RABGAP1: variants seen among roughly 807,000 people sequenced by gnomAD.
RABGAP1 encodes RAB GTPase activating protein 1, also known as rab GTPase-activating protein 1.
Under a neutral mutation model 137.6 loss-of-function variants are expected in RABGAP1, and 23 were observed. The ratio of observed to expected loss-of-function variants is 0.17; its 90% CI spans 0.12 to 0.24. The LOEUF is 0.24. RABGAP1 is among the 10% of genes least tolerant of loss of function. RABGAP1 has a pLI of 1.00. For missense variants in RABGAP1, 906 were observed against 1,275.8 expected (o/e 0.71, Z 4.42); for synonymous variants, 451 against 450.7 (o/e 1.00, Z -0.01).
Position 123,001,315 on chromosome 9 carries a change from C to T in RABGAP1, c.1374+2549C>T, listed in dbSNP as rs531854586. ...CAAGTACCTGGAACATAGTAGTTCT[C>T]AATAAATATACGTTGAATTGATTTT... is the stretch of plus-strand genomic sequence containing the variant. On this transcript the variant is annotated intron_variant, in intron 10 of 25. Transcript: ENST00000373647. Among the ~76,000 whole-genome samples, 3 of 152,286 alleles carry T rather than the reference C, an allele frequency of 2.0e-5. No individual in the cohort carries two copies. In the South Asian group the frequency reaches 6.2e-4, roughly 32 times the overall value.
At chr9:123,020,573 A>T (rs2031562586) in intron 13 of RABGAP1, 114 bp downstream of exon 13, 22 of 1,081,592 alleles carry the variant, frequency 2.0e-5, no homozygotes, top group Non-Finnish European at 2.5e-5. Flanking sequence ...ATTTAAGAAT[A>T]GAACTGTTAA....
chr9:123,007,553 A>ATTTT (rs34448685), intron 10 of RABGAP1, among the ~76,000 whole-genome samples: 4 of 104,536 alleles, frequency 3.8e-5, no homozygotes, highest in Admixed American at 1.1e-4. Flanking sequence ...AAGTTTTTGT[A>ATTTT]TTTTTTTTTT....
chr9:122,955,497 TA>T (rs1224290650), intron 1 of RABGAP1, among the ~76,000 whole-genome samples: 1 of 152,232 alleles, frequency 6.6e-6, no homozygotes, highest in East Asian at 1.9e-4. Context: ...TAATAGCTGT[TA>T]AGCAGGGGAA....
At chr9:123,085,581 T>G (rs780082511) in intron 19 of RABGAP1, among the ~76,000 whole-genome samples, 1 of 152,232 alleles carries the variant, frequency 6.6e-6, no homozygotes, top group Non-Finnish European at 1.5e-5. Context: ...AGCTGTGATT[T>G]CCAAAGCCTT....
chr9:123,035,860 A>G (rs1049917623), intron 13 of RABGAP1, among the ~76,000 whole-genome samples: 4 of 152,134 alleles, frequency 2.6e-5, no homozygotes, highest in Middle Eastern at 3.2e-3. Flanking sequence ...CTTGCTCTCA[A>G]TTTTTGAAAT....
chr9:123,048,025 C>T (rs538514546), intron 13 of RABGAP1, among the ~76,000 whole-genome samples: 20 of 148,290 alleles, frequency 1.3e-4, no homozygotes, highest in South Asian at 6.4e-4. Flanking sequence ...TGCGAACCTC[C>T]GCCTCCCAGG....
intron 19 of RABGAP1, among the ~76,000 whole-genome samples, chr9:123,089,322 A>G (rs2034967677): frequency 2.0e-5 from 3 of 152,178 alleles, no homozygotes; most frequent in African/African-American, 4.8e-5. Flanking sequence ...TTACATAACC[A>G]ACCTCCTTAT....
chr9:123,013,523 G>A (rs1274376637), intron 11 of RABGAP1, among the ~76,000 whole-genome samples: 1 of 151,990 alleles, frequency 6.6e-6, no homozygotes, highest in Non-Finnish European at 1.5e-5. Context: ...GTAGAGATGG[G>A]GTTTCACCAG....
intron 2 of RABGAP1, among the ~76,000 whole-genome samples, chr9:122,967,470 T>C (rs1047130067): frequency 6.6e-6 from 1 of 152,196 alleles, no homozygotes; most frequent in Non-Finnish European, 1.5e-5. Flanking sequence ...GCAGAATCTT[T>C]GATTAGGGAA....
chr9:122,940,797 T>G (rs907545066), upstream of RABGAP1: 2 of 152,736 alleles, frequency 1.3e-5, no homozygotes, highest in Non-Finnish European at 2.9e-5. Context: ...ACAGCCCAGG[T>G]CCAGCTCACA....
chr9:123,058,316 T>C (rs1292002630), intron 13 of RABGAP1, among the ~76,000 whole-genome samples: 1 of 152,096 alleles, frequency 6.6e-6, no homozygotes, highest in Non-Finnish European at 1.5e-5. Context: ...ATACAATATT[T>C]TGTAGTTAGC....
At chr9:123,022,471 A>G (rs1293511732) in intron 13 of RABGAP1, among the ~76,000 whole-genome samples, 1 of 151,828 alleles carries the variant, frequency 6.6e-6, no homozygotes, top group Non-Finnish European at 1.5e-5. Context: ...CAGTGGTACG[A>G]TCTCGGCTCA....
rs1836266309 is a variant in RABGAP1 at position 122,984,582 on chromosome 9, T to C, written c.248T>C (p.Val83Ala). ...MDDQPGEKEL[V>A]KRSQLDGEGD... ...GACCAGCCAGGGGAAAAGGAGCTTG[T>C]GAAAAGGTCACAACTGGATGGTGAA... The change falls in exon 3 of 26, where the codon GTG becomes GCG. Residue 83 changes from valine to alanine, a missense_variant. Physicochemically the swap from Val to Ala is moderately conservative, Grantham distance 64. Around this residue, in one of 9 missense-constraint regions of RABGAP1, gnomAD observed 331 missense variants for 358.3 expected, o/e 0.92. Coordinates refer to ENST00000373647, the MANE Select transcript of RABGAP1 (RefSeq NM_012197.4). 6.2e-7 allele frequency: 1 copy of C among 1,614,118 alleles called. No homozygotes were observed.
At chr9:123,101,464 A>G (rs1218389248) in intron 24 of RABGAP1, 102 bp from the exon 25 acceptor site, 2 of 1,167,138 alleles carry the variant, frequency 1.7e-6, no homozygotes, top group African/African-American at 3.2e-5. Flanking sequence ...GTAGTGCTCA[A>G]CAGAGAAGCC....
chr9:122,969,625 T>C (rs561152859), intron 2 of RABGAP1, among the ~76,000 whole-genome samples: 1 of 152,122 alleles, frequency 6.6e-6, no homozygotes, highest in African/African-American at 2.4e-5. Flanking sequence ...CAGCCCCTAG[T>C]AGAATGACTA....
At chr9:123,071,892 G>A (rs994377683) in intron 15 of RABGAP1, among the ~76,000 whole-genome samples, 7 of 152,206 alleles carry the variant, frequency 4.6e-5, no homozygotes, top group Non-Finnish European at 1.0e-4. Flanking sequence ...GGAACTGAAA[G>A]GAGGACAGTG....
chr9:122,963,123 T>C (rs187127632), intron 2 of RABGAP1, among the ~76,000 whole-genome samples: 1 of 152,254 alleles, frequency 6.6e-6, no homozygotes, highest in Admixed American at 6.5e-5. Context: ...CAAGAATAAT[T>C]GTTAGCCGGG....
chr9:123,035,869 A>C (rs995462059), intron 13 of RABGAP1, among the ~76,000 whole-genome samples: 1 of 152,328 alleles, frequency 6.6e-6, no homozygotes, highest in Admixed American at 6.5e-5. Flanking sequence ...AATTTTTGAA[A>C]TGTCTTGGAA....
At chr9:123,012,489 C>G (rs758617946) in intron 11 of RABGAP1, among the ~76,000 whole-genome samples, 2 of 152,136 alleles carry the variant, frequency 1.3e-5, no homozygotes, top group Admixed American at 6.5e-5. Flanking sequence ...AATCTGGGCC[C>G]GACTAAAGGT....
Sources: allele counts gnomAD v4.1 joint callset (sites outside exome capture counted in the v4.1 genomes callset), GRCh38; gene constraint gnomAD v4.1.1; regional missense constraint gnomAD v4.1.1; transcripts MANE v1.5; gene names NCBI Gene and HGNC (gene_info 2026-07-23, HGNC 2026-07-21).